PI4K2A: variants seen among roughly 807,000 people sequenced by gnomAD.
PI4K2A encodes phosphatidylinositol 4-kinase type 2 alpha.
PI4K2A carries 20 observed loss-of-function variants against 55.0 expected under a neutral mutation model. The ratio of observed to expected loss-of-function variants is 0.36; its 90% confidence interval spans 0.26 to 0.53. The LOEUF is 0.53. Among genes scored for constraint, PI4K2A ranks in the 20% least tolerant of loss-of-function variants. PI4K2A has a pLI of 0.91. For missense variants in PI4K2A, 463 were observed against 637.1 expected, an observed-to-expected ratio of 0.73 and a Z score of 2.94; for synonymous variants, 235 against 258.5, an observed-to-expected ratio of 0.91 and a Z score of 0.87.
At chr10:97,652,006 G>A (rs2041532032) in intron 2 of PI4K2A, among the ~76,000 whole-genome samples, 1 of 152,042 alleles carries the variant, frequency 6.6e-6, no homozygotes, top group Non-Finnish European at 1.5e-5. Context: ...ATGCCCTGAG[G>A]CTGCTGAGTC....
chr10:97,643,635 G>A (rs969008732), intron 1 of PI4K2A, among the ~76,000 whole-genome samples: 1 of 152,066 alleles, frequency 6.6e-6, no homozygotes, highest in African/African-American at 2.4e-5. Flanking sequence ...AAACACAGAT[G>A]CCCTGACAAA....
At chr10:97,670,330 T>A (rs1185495265) in intron 8 of PI4K2A, among the ~76,000 whole-genome samples, 1 of 152,240 alleles carries the variant, frequency 6.6e-6, no homozygotes, top group Non-Finnish European at 1.5e-5. Context: ...TCCAGGCTTA[T>A]CTTCAGCTTT....
At chr10:97,649,920 G>C (rs1327748061) in intron 1 of PI4K2A, among the ~76,000 whole-genome samples, 1 of 151,876 alleles carries the variant, frequency 6.6e-6, no homozygotes, top group South Asian at 2.1e-4. Context: ...CACCATGCCC[G>C]GCCCATAATA....
At chr10:97,657,070 G>C (rs2041558523) in intron 4 of PI4K2A, 96 bp downstream of exon 4, 1 of 1,192,900 alleles carries the variant, frequency 8.4e-7, no homozygotes. Flanking sequence ...AGAGTACCTT[G>C]TCCAGACACA....
At chr10:97,646,764 C>T (rs2041506980) in intron 1 of PI4K2A, among the ~76,000 whole-genome samples, 1 of 151,874 alleles carries the variant, frequency 6.6e-6, no homozygotes, top group South Asian at 2.1e-4. Context: ...GTTCCAGGTT[C>T]CAGTAATTTT....
exon 2 of PI4K2A, chr10:97,650,943 G>A (rs765600836): frequency 1.9e-6 from 3 of 1,611,716 alleles, no homozygotes; most frequent in Non-Finnish European, 2.5e-6. Flanking sequence ...CTCTGTAGAG[G>A]ATCATTGCTG....
At chr10:97,649,881 C>T (rs1362341402) in intron 1 of PI4K2A, among the ~76,000 whole-genome samples, 1 of 152,022 alleles carries the variant, frequency 6.6e-6, no homozygotes, top group East Asian at 1.9e-4. Context: ...ACCTTGGCCT[C>T]CCAAAGTGCT....
chr10:97,671,779 A>G (rs999521459), intron 8 of PI4K2A, among the ~76,000 whole-genome samples: 4 of 152,070 alleles, frequency 2.6e-5, no homozygotes, highest in African/African-American at 7.2e-5. Flanking sequence ...AGCTGGGATT[A>G]CAGGCACTCG....
intron 4 of PI4K2A, among the ~76,000 whole-genome samples, chr10:97,661,871 G>C (rs1211691527): frequency 1.2e-5 from 1 of 81,886 alleles, no homozygotes; most frequent in African/African-American, 4.7e-5. Flanking sequence ...TTTTTTTTTT[G>C]AGGCAGGGTC....
chr10:97,648,092 A>ATTTTTTTTTTTTT (rs11332690), intron 1 of PI4K2A, among the ~76,000 whole-genome samples: 70 of 120,636 alleles, frequency 5.8e-4, no homozygotes, highest in Non-Finnish European at 8.9e-4. Context: ...CACTTAGCTA[A>ATTTTTTTTTTTTT]TTTTTTTTTT....
rs367718146 is a variant in PI4K2A, at chr10:97,666,160, G to A, written c.1085-278G>A. Among the ~76,000 whole-genome samples the A allele has an allele frequency of 1.2e-3, 176 of 152,266 alleles. 1 individual carries two copies. Among genetic ancestry groups the A allele is most frequent in the African/African-American group, 4.0e-3 (167 of 41,548 alleles). The stretch of plus-strand genomic sequence containing the variant: ...TCCTTTTCAGAAGGACCATCTCAGC[G>A]TCTCAGTGGCAAGTAGTTGCTTCTA... On this transcript the variant is annotated intron_variant, in intron 6 of 8. Coordinates refer to ENST00000370631, the Ensembl canonical transcript of PI4K2A.
intron 1 of PI4K2A, among the ~76,000 whole-genome samples, chr10:97,642,397 CT>C (rs72294580): frequency 0.18 from 25,305 of 144,502 alleles, 2,314 homozygotes; most frequent in Non-Finnish European, 0.21. Flanking sequence ...GTTTCTTTTT[CT>C]TTTTTTTTTT....
intron 4 of PI4K2A, among the ~76,000 whole-genome samples, chr10:97,658,720 ATATT>A (rs1248899784): frequency 6.6e-6 from 1 of 151,996 alleles, no homozygotes; most frequent in African/African-American, 2.4e-5. Flanking sequence ...TTTCCTTTTC[ATATT>A]TAATCTGCAT....
chr10:97,668,832 T>C (rs1265816473), intron 8 of PI4K2A, among the ~76,000 whole-genome samples: 1 of 152,156 alleles, frequency 6.6e-6, no homozygotes, highest in Non-Finnish European at 1.5e-5. Context: ...CTGGGTTTGC[T>C]GAGCCCATTT....
intron 4 of PI4K2A, among the ~76,000 whole-genome samples, chr10:97,660,056 C>T (rs1410420299): frequency 6.9e-6 from 1 of 144,842 alleles, no homozygotes; most frequent in Non-Finnish European, 1.5e-5. Flanking sequence ...GGCTGGAGTG[C>T]AGTGGCGCGA....
chr10:97,641,237 T>G, intron 1 of PI4K2A, 60 bp downstream of exon 1: 1 of 1,306,070 alleles, frequency 7.7e-7, no homozygotes, highest in Admixed American at 2.2e-5. Flanking sequence ...TCCTGGGGAG[T>G]TGGGGGCTTC....
At chr10:97,644,345 C>T (rs569013656) in intron 1 of PI4K2A, among the ~76,000 whole-genome samples, 36 of 149,894 alleles carry the variant, frequency 2.4e-4, no homozygotes, top group Non-Finnish European at 4.5e-4. Flanking sequence ...AGTGAGACTC[C>T]GTCTCAAAAA....
chr10:97,673,620 C>G, exon 9 of PI4K2A: 1 of 1,614,074 alleles, frequency 6.2e-7, no homozygotes, highest in Admixed American at 1.7e-5. Flanking sequence ...CAACAAGAGT[C>G]CCCTGCACCT....
intron 8 of PI4K2A, among the ~76,000 whole-genome samples, chr10:97,672,426 T>A (rs768221656): frequency 6.6e-6 from 1 of 152,168 alleles, no homozygotes; most frequent in Non-Finnish European, 1.5e-5. Context: ...GATAGAAAGA[T>A]AGAATTTAGA....
Sources: allele counts gnomAD v4.1 joint callset (sites outside exome capture counted in the v4.1 genomes callset), GRCh38; gene constraint gnomAD v4.1.1; transcripts MANE v1.5; gene names NCBI Gene and HGNC (gene_info 2026-07-23, HGNC 2026-07-21).